Variants in ZNF850 observed in about 807,000 individuals in gnomAD.
ZNF850 encodes the protein zinc finger protein 850.
A neutral mutation model predicts 11.9 loss-of-function variants in ZNF850; 2 were observed. The observed-to-expected ratio is 0.17, with a 90% CI of 0.07 to 0.53. The LOEUF (loss-of-function observed/expected upper bound fraction) is 0.53, where lower values mean the gene tolerates loss of function less well. ZNF850 is among the 20% of genes least tolerant of loss of function. The pLI is 0.94. For synonymous variants in ZNF850, 381 were observed against 443.0 expected (o/e 0.86, Z 1.76); for missense variants, 1,014 against 1,316.4 (o/e 0.77, Z 3.55).
intron 1 of ZNF850, among the ~76,000 whole-genome samples, chr19:36,768,710 C>T (rs2040562921): frequency 1.3e-5 from 2 of 152,138 alleles, no homozygotes; most frequent in Admixed American, 1.3e-4. Context: ...TCCCTGTAAT[C>T]CCAGCACTTT....
rs2040409743 is a variant in ZNF850, at chr19:36,746,034, G to T, written c.*1733C>A. 6.6e-6 allele frequency: 1 copy of T among 152,106 alleles called. No individual in the cohort carries two copies. The highest frequency in any genetic ancestry group is 1.5e-5 in the Non-Finnish European group (1 of 68,016). 9.4% of individuals were successfully genotyped at this position (152,106 alleles called of 1,614,324 possible). ...ATGCTGACCTCATATCTCATCTTGTGACTTAGAATGACTTATCTGTCTAGG... is the reference window on the plus strand; with the variant it reads ...ATGCTGACCTCATATCTCATCTTGTTACTTAGAATGACTTATCTGTCTAGG... On this transcript the variant is annotated 3_prime_UTR_variant, in exon 5 of 5. Transcript: ENST00000591344.
At chr19:36,763,629 G>C (rs1024346928) in intron 1 of ZNF850, among the ~76,000 whole-genome samples, 1 of 151,652 alleles carries the variant, frequency 6.6e-6, no homozygotes, top group African/African-American at 2.4e-5. Context: ...ATAGCACTTC[G>C]ATAATTAAAT....
rs751647851 is a variant in ZNF850, at chr19:36,748,516, T to C, written c.2524A>G (p.Ser842Gly). 1.3e-5 allele frequency: 20 copies of C among 1,536,228 alleles called. No individual in the cohort carries two copies. Among genetic ancestry groups the C allele is most frequent in the Non-Finnish European group, 1.7e-5 (20 of 1,146,670 alleles). ...AAAGATTTCCCACATTCTTTACAACTGTAGCGTTTCTCACCAGTGTGAACT... is the reference window on the plus strand; with the variant it reads ...AAAGATTTCCCACATTCTTTACAACCGTAGCGTTTCTCACCAGTGTGAACT... ...RPVHTGEKRY[S>G]CKECGKSFTS... The change falls in exon 5 of 5, where the codon AGT becomes GGT. Residue 842 changes from serine to glycine, a missense_variant. Physicochemically the swap from Ser to Gly is moderately conservative, Grantham distance 56 (BLOSUM62 0). Transcript: ENST00000591344.
intron 4 of ZNF850, among the ~76,000 whole-genome samples, chr19:36,758,168 G>GTAGT (rs2040498080): frequency 6.6e-6 from 1 of 152,126 alleles, no homozygotes; most frequent in African/African-American, 2.4e-5. Flanking sequence ...GACGACTCAT[G>GTAGT]CCTTACAGGT....
At chr19:36,757,673 A>C (rs986995952) in intron 4 of ZNF850, among the ~76,000 whole-genome samples, 1 of 151,700 alleles carries the variant, frequency 6.6e-6, no homozygotes, top group African/African-American at 2.4e-5. Context: ...CACCCGGCTA[A>C]TTTTTTGTGT....
At chr19:36,754,847 G>A (rs926399160) in intron 4 of ZNF850, among the ~76,000 whole-genome samples, 6 of 151,860 alleles carry the variant, frequency 4.0e-5, no homozygotes, top group African/African-American at 4.8e-5. Flanking sequence ...GAGCGACCAC[G>A]CACGGCTGAT....
In ZNF850 at chr19:36,749,203, C is replaced by T. The variant is rs2040434879; in HGVS notation, c.1837G>A (p.Gly613Ser). 3.1e-6 allele frequency: 5 copies of T among 1,603,368 alleles called. No individual in the cohort carries two copies. The highest frequency in any genetic ancestry group is 4.2e-6 in the Non-Finnish European group (5 of 1,176,628). Residue 613 changes from glycine (G) to serine (S), a missense_variant, in exon 5 of 5, where the codon GGT becomes AGT. Transcript: ENST00000591344. ...TLLQHQQIHTGEKPYDCKECG... is the reference protein window; with the variant it reads ...TLLQHQQIHTSEKPYDCKECG... Reference sequence around the variant, plus strand: ...TCCTTACAATCATAAGGTTTCTCACCAGTGTGAATTTGCTGATGTTGAAGT... The same window carrying T: ...TCCTTACAATCATAAGGTTTCTCACTAGTGTGAATTTGCTGATGTTGAAGT...
In ZNF850 at chr19:36,747,887, T is replaced by C; in HGVS notation, c.3153A>G (p.Gly1051=). The part of the protein sequence containing the change: ...ECGKAFFYAS[G]LSRHQSVHTG... ...TGTGAACACTCTGATGTCGGCTGAG[T>C]CCTGAGGCATAGAAAAAGGCTTTCC... The change falls in exon 5 of 5, where the codon GGA becomes GGG. Residue 1051 remains glycine, a synonymous_variant. Coordinates refer to ENST00000591344, the MANE Select transcript of ZNF850 (RefSeq NM_001193552.2). The C allele has an allele frequency of 6.4e-7, 1 of 1,573,326 alleles. No homozygotes were observed. The highest frequency in any genetic ancestry group is 8.6e-7 in the Non-Finnish European group (1 of 1,163,710).
At chr19:36,755,857 C>T (rs184766792) in intron 4 of ZNF850, among the ~76,000 whole-genome samples, 1 of 149,422 alleles carries the variant, frequency 6.7e-6, no homozygotes, top group Non-Finnish European at 1.5e-5. Flanking sequence ...CTTGACACCA[C>T]TAGTAAATAA....
intron 4 of ZNF850, among the ~76,000 whole-genome samples, chr19:36,751,220 A>G (rs2040452158): frequency 6.6e-6 from 1 of 152,130 alleles, no homozygotes; most frequent in South Asian, 2.1e-4. Context: ...AAAACACCAG[A>G]CAAATCCCAA....
intron 4 of ZNF850, among the ~76,000 whole-genome samples, chr19:36,761,380 A>G (rs2040516997): frequency 6.6e-6 from 1 of 152,018 alleles, no homozygotes; most frequent in Admixed American, 6.6e-5. Context: ...CGGAGGTTGC[A>G]ATGAGCCGAG....
At chr19:36,757,826 C>T (rs1257600701) in intron 4 of ZNF850, among the ~76,000 whole-genome samples, 1 of 151,644 alleles carries the variant, frequency 6.6e-6, no homozygotes, top group Non-Finnish European at 1.5e-5. Context: ...TGCGCCCAGC[C>T]TCTTTTTCTT....
Position 36,744,174 on chromosome 19 carries a change from G to A in ZNF850, c.*3593C>T, listed in dbSNP as rs571919518. On this transcript the variant is annotated 3_prime_UTR_variant, in exon 5 of 5. Transcript: ENST00000591344. ...CCTGGGCAACAATAGCAAAACTCCC[G>A]TCTCAAAAAAAAAAAAAAGGATTTA... is the stretch of plus-strand genomic sequence containing the variant. 2.9e-5 allele frequency: 4 copies of A among 140,152 alleles called. No individual in the cohort carries two copies. The South Asian group carries it at 9.1e-4, about 32-fold the overall frequency. The allele number at this position is 140,152 out of a possible 1,614,324, so 8.7% of individuals were successfully genotyped here.
At position 36,748,630 on chromosome 19, in the gene ZNF850, G is replaced by C. The variant is rs1302665957; in HGVS notation, c.2410C>G (p.Gln804Glu). Residue 804 changes from glutamine (Q) to glutamate (E), a missense_variant, in exon 5 of 5, where the codon CAG becomes GAG. By Grantham distance (29) the Gln-to-Glu change is conservative. Coordinates refer to ENST00000591344, the MANE Select transcript of ZNF850 (RefSeq NM_001193552.2). ...FTSHSTLIQHQPLHTGEKPYH... is the reference protein window; with the variant it reads ...FTSHSTLIQHEPLHTGEKPYH... ...GGTTTCTCACCAGTGTGAAGTGGCT[G>C]ATGTTGAATTAGTGTTGAATGAGAA... 6.5e-7 allele frequency: 1 copy of C among 1,537,294 alleles called. No homozygotes were observed. The highest frequency in any genetic ancestry group is 8.7e-7 in the Non-Finnish European group (1 of 1,146,958).
rs558377022 is a variant in ZNF850 at position 36,772,748 on chromosome 19, C to T, written c.-93G>A. 1 of 152,616 alleles carries T rather than the reference C, an allele frequency of 6.6e-6. No homozygotes were observed. The highest frequency in any genetic ancestry group is 2.1e-4 in the South Asian group (1 of 4,836). 9.5% of individuals were successfully genotyped at this position (152,616 alleles called of 1,614,324 possible). A position where few individuals can be genotyped will look rare whatever the true frequency, so the allele number is the denominator to read the frequency against. ...ACCCTCAGCATTCTCTGGTTCCGCTCGGGGCCAGCCTAGCCAAGTTCCTCA... is the reference window on the plus strand; with the variant it reads ...ACCCTCAGCATTCTCTGGTTCCGCTTGGGGCCAGCCTAGCCAAGTTCCTCA... On this transcript the variant is annotated 5_prime_UTR_variant, in exon 1 of 5. Coordinates refer to ENST00000591344, the MANE Select transcript of ZNF850 (RefSeq NM_001193552.2).
intron 1 of ZNF850, among the ~76,000 whole-genome samples, chr19:36,765,448 A>G (rs1245611916): frequency 6.6e-6 from 1 of 152,168 alleles, no homozygotes; most frequent in Non-Finnish European, 1.5e-5. Flanking sequence ...TGCTTTATTT[A>G]TAACTAAAGA....
chr19:36,763,936 T>TCAAA (rs561946291), intron 1 of ZNF850, among the ~76,000 whole-genome samples: 118 of 150,966 alleles, frequency 7.8e-4, no homozygotes, highest in South Asian at 1.5e-3. Flanking sequence ...AGATCCTGTC[T>TCAAA]CAAACAAACA....
At position 36,762,332 on chromosome 19, in the gene ZNF850, C is replaced by G. The variant is rs769295537; in HGVS notation, c.112G>C (p.Glu38Gln). 1 of 1,582,302 alleles carries G rather than the reference C, an allele frequency of 6.3e-7. No homozygotes were observed. Among genetic ancestry groups the G allele is most frequent in the Non-Finnish European group, 8.5e-7 (1 of 1,171,046 alleles). ...AGTGAGACCAGGCTGCTGTAGTTCT[C>G]CATCATTACATCTCTGTATAAGTCC... ...QKDLYRDVMMENYSSLVSLGL... is the reference protein window; with the variant it reads ...QKDLYRDVMMQNYSSLVSLGL... Residue 38 changes from glutamate to glutamine, a missense_variant, in exon 3 of 5, where the codon GAG becomes CAG. Physicochemically the swap from Glu to Gln is conservative, Grantham distance 29 (BLOSUM62 2). Coordinates refer to ENST00000591344, the MANE Select transcript of ZNF850 (RefSeq NM_001193552.2).
At position 36,762,688 on chromosome 19, in the gene ZNF850, A is replaced by G; in HGVS notation, c.-69-13T>C. The G allele has an allele frequency of 7.3e-7, 1 of 1,361,968 alleles. No homozygotes were observed. Among genetic ancestry groups the G allele is most frequent in the Non-Finnish European group, 1.0e-6 (1 of 988,830 alleles). 84.4% of individuals were successfully genotyped at this position (1,361,968 alleles called of 1,614,324 possible). A position where few individuals can be genotyped will look rare whatever the true frequency, so the allele number is the denominator to read the frequency against. Reference sequence around the variant, plus strand: ...TCCATGGTTAGAGCTGGGAATGAATAAAACACATTGATATATTATTTCCCA... The same window carrying G: ...TCCATGGTTAGAGCTGGGAATGAATGAAACACATTGATATATTATTTCCCA... On this transcript the variant is annotated splice_polypyrimidine_tract_variant and intron_variant, in intron 1 of 4. Coordinates refer to ENST00000591344, the MANE Select transcript of ZNF850 (RefSeq NM_001193552.2).
Sources: gnomAD v4.1 joint callset for allele counts (sites outside exome capture counted in the v4.1 genomes callset) on GRCh38, gnomAD v4.1.1 for gene constraint, MANE v1.5 for transcripts, NCBI Gene and HGNC (gene_info 2026-07-23, HGNC 2026-07-21) for gene names.